The following RYR2 variants were observed in gnomAD, a reference collection of about 807,000 sequenced individuals.
RYR2 encodes cardiac muscle ryanodine receptor-calcium release channel.
In RYR2, 227 loss-of-function variants were observed where a neutral mutation model predicts 601.1. The observed-to-expected ratio is 0.38, with a 90% CI of 0.34 to 0.42. The LOEUF is 0.42. Ranked by LOEUF, RYR2 falls within the 10% of genes least tolerant of loss-of-function variation. The probability of loss-of-function intolerance (pLI) is 1.00; values close to 1 mark genes in which losing one functional copy is unlikely to be tolerated. For missense variants in RYR2, 4,646 were observed against 6,156.5 expected, an observed-to-expected ratio of 0.75 and a Z score of 8.21; for synonymous variants, 2,223 against 2,175.1, an observed-to-expected ratio of 1.02 and a Z score of -0.61.
chr1:237,784,712 A>AT lies in RYR2; in HGVS notation c.13001dup (p.Met4334IlefsTer8). 1 of 1,607,100 alleles carries AT rather than the reference A, an allele frequency of 6.2e-7. No individual in the cohort carries two copies. Among genetic ancestry groups the AT allele is most frequent in the Non-Finnish European group, 8.5e-7 (1 of 1,175,714 alleles). ...CAAAGTTGCAGAACTGTTAGCCAAC[A>AT]TGCCAGACCCCACTCAGGATGAGGT... is the stretch of plus-strand genomic sequence containing the variant. On this transcript the variant is annotated frameshift_variant, in exon 90 of 105. Coordinates refer to ENST00000366574, the MANE Select transcript of RYR2 (RefSeq NM_001035.3). LOFTEE classifies it high-confidence loss of function. This position sits in a 1 kb window ranked among gnomAD's most constrained non-coding sequence, Gnocchi z 7.1.
intron 1 of RYR2, among the ~76,000 whole-genome samples, chr1:237,124,510 A>G (rs1671183381): frequency 1.3e-5 from 2 of 152,240 alleles, no homozygotes; most frequent in Admixed American, 1.3e-4. Flanking sequence ...AGGTGTTGGC[A>G]GAACTACATT....
At chr1:237,468,107 C>G (rs1485599989) in intron 16 of RYR2, among the ~76,000 whole-genome samples, 1 of 152,048 alleles carries the variant, frequency 6.6e-6, no homozygotes, top group Non-Finnish European at 1.5e-5. Context: ...ATCCGCCCAC[C>G]TCAGCCTCCC....
At chr1:237,814,156 A>G (rs541268377) in intron 100 of RYR2, among the ~76,000 whole-genome samples, 1 of 152,376 alleles carries the variant, frequency 6.6e-6, no homozygotes, top group South Asian at 2.1e-4. Context: ...GCTTCTTTAA[A>G]AAGCCAACAA....
At chr1:237,077,480 T>C in intron 1 of RYR2, among the ~76,000 whole-genome samples, 1 of 134,400 alleles carries the variant, frequency 7.4e-6, no homozygotes, top group Admixed American at 7.8e-5. Flanking sequence ...GCAATCCTAG[T>C]CTCTGATAAA....
intron 1 of RYR2, among the ~76,000 whole-genome samples, chr1:237,115,392 G>A (rs1669953648): frequency 2.0e-5 from 3 of 152,170 alleles, no homozygotes; most frequent in Admixed American, 2.0e-4. Context: ...GCAGAGAGCA[G>A]CCCTCACACA....
At chr1:237,274,524 C>A (rs1023106249) in intron 2 of RYR2, among the ~76,000 whole-genome samples, 1 of 151,960 alleles carries the variant, frequency 6.6e-6, no homozygotes, top group Non-Finnish European at 1.5e-5. Flanking sequence ...AATAAAAAAG[C>A]TAACAAAATT....
At chr1:237,294,453 A>C (rs565898981) in intron 2 of RYR2, among the ~76,000 whole-genome samples, 15 of 152,056 alleles carry the variant, frequency 9.9e-5, no homozygotes, top group Middle Eastern at 6.8e-3. Flanking sequence ...AAAAAAAAAA[A>C]CCCAAATCTC....
intron 14 of RYR2, among the ~76,000 whole-genome samples, chr1:237,452,362 TTACATTATATATGTAAAGTATATATTA>T (rs1420731760): frequency 6.8e-6 from 1 of 146,584 alleles, no homozygotes; most frequent in Non-Finnish European, 1.5e-5. Flanking sequence ...ATTGTATATA[TTACATTATATATGTAAAGTATATATTA>T]TACATTATAT....
At chr1:237,685,147 T>C (rs1170184196) in intron 62 of RYR2, among the ~76,000 whole-genome samples, 2 of 152,094 alleles carry the variant, frequency 1.3e-5, no homozygotes, top group African/African-American at 4.8e-5. Flanking sequence ...CTGGAGAATG[T>C]TGGAAATGAG....
chr1:237,793,224 T>G (rs746247174), intron 94 of RYR2, among the ~76,000 whole-genome samples: 1 of 152,200 alleles, frequency 6.6e-6, no homozygotes, highest in Non-Finnish European at 1.5e-5. Flanking sequence ...TTCCTCCCGT[T>G]TATTCTGTTT....
At chr1:237,334,891 G>T (rs1252331209) in intron 3 of RYR2, among the ~76,000 whole-genome samples, 1 of 152,164 alleles carries the variant, frequency 6.6e-6, no homozygotes, top group Admixed American at 6.5e-5. Flanking sequence ...TACCAGTTCT[G>T]CCATAGTTAG....
chr1:237,152,880 A>T (rs367754315), intron 1 of RYR2, among the ~76,000 whole-genome samples: 5 of 151,528 alleles, frequency 3.3e-5, no homozygotes. Context: ...AACCCGCAGA[A>T]TGGGAAAAAA....
At chr1:237,595,217 GT>G (rs1675757701) in intron 33 of RYR2, among the ~76,000 whole-genome samples, 1 of 152,096 alleles carries the variant, frequency 6.6e-6, no homozygotes, top group South Asian at 2.1e-4. Context: ...TTTGGTTTGA[GT>G]TTTTGGAGAG....
At chr1:237,365,575 T>C (rs1459287416) in intron 5 of RYR2, among the ~76,000 whole-genome samples, 1 of 152,242 alleles carries the variant, frequency 6.6e-6, no homozygotes, top group African/African-American at 2.4e-5. Context: ...AAATTAGACG[T>C]ATCATGAAAC....
chr1:237,473,240 A>G (rs559099838), intron 17 of RYR2, among the ~76,000 whole-genome samples: 1 of 152,126 alleles, frequency 6.6e-6, no homozygotes, highest in South Asian at 2.1e-4. Flanking sequence ...CCTGGCCAAC[A>G]TGATGAAACC....
chr1:237,425,393 G>T lies in RYR2; in HGVS notation c.1005+2145G>T, dbSNP rs867180270. Among the ~76,000 whole-genome samples the T allele has an allele frequency of 2.6e-5, 4 of 152,190 alleles. 1 individual carries two copies. In the Middle Eastern group the frequency reaches 0.014, roughly 518 times the overall value. On this transcript the variant is annotated intron_variant, in intron 12 of 104. Transcript: ENST00000366574. ...TACTATAAAGAAGGCTGGGTGTGGTGGCTTACACCTGTAATCCCAGCACTT... is the reference window on the plus strand; with the variant it reads ...TACTATAAAGAAGGCTGGGTGTGGTTGCTTACACCTGTAATCCCAGCACTT...
chr1:237,226,851 C>T (rs969913915), intron 1 of RYR2, among the ~76,000 whole-genome samples: 3 of 152,130 alleles, frequency 2.0e-5, no homozygotes, highest in Non-Finnish European at 4.4e-5. Flanking sequence ...TCACTGCAAC[C>T]TCCGCCTCCC....
At position 237,532,000 on chromosome 1, in the gene RYR2, A is replaced by G. The variant is rs115510651; in HGVS notation, c.2906+1490A>G. ...ATATTATGCTAATAATCAATGTTTT[A>G]TGCTTGGCAGTCTTTGAGTACTCTA... On this transcript the variant is annotated intron_variant, in intron 25 of 104. Coordinates refer to ENST00000366574, the MANE Select transcript of RYR2 (RefSeq NM_001035.3). Among the ~76,000 whole-genome samples the G allele has an allele frequency of 9.0e-3, 1,366 of 152,216 alleles. 22 individuals are homozygous for G. The highest frequency in any genetic ancestry group is 0.031 in the African/African-American group (1,287 of 41,548).
At chr1:237,547,180 A>T (rs1464386281) in intron 25 of RYR2, among the ~76,000 whole-genome samples, 1 of 151,212 alleles carries the variant, frequency 6.6e-6, no homozygotes, top group Non-Finnish European at 1.5e-5. Context: ...TAATCATTGT[A>T]TTTTTAATAG....
Sources: allele counts gnomAD v4.1 joint callset (sites outside exome capture counted in the v4.1 genomes callset), GRCh38; gene constraint gnomAD v4.1.1; non-coding constraint Gnocchi (gnomAD v3.1); transcripts MANE v1.5; gene names NCBI Gene and HGNC (gene_info 2026-07-23, HGNC 2026-07-21).